Variants in GALNT18 observed in about 807,000 individuals in gnomAD.
The protein encoded by GALNT18 is GalNAc-transferase 18.
Under a neutral mutation model 69.5 loss-of-function variants are expected in GALNT18, and 44 were observed. The ratio of observed to expected loss-of-function variants is 0.63; its 90% CI spans 0.50 to 0.81. GALNT18 has a LOEUF of 0.81. Among genes scored for constraint, GALNT18 ranks in the 40% least tolerant of loss-of-function variants. The pLI is 0.00. For missense variants in GALNT18, 715 were observed against 810.0 expected (o/e 0.88, Z 1.42); for synonymous variants, 364 against 318.2 (o/e 1.14, Z -1.53).
rs543320752 is a variant in GALNT18, at chr11:11,411,859, G to A, written c.595+20762C>T. Among the ~76,000 whole-genome samples the A allele has an allele frequency of 5.9e-5, 9 of 152,274 alleles. No individual in the cohort carries two copies. The East Asian group carries it at 1.7e-3, about 29-fold the overall frequency. ...CACAGGGAGCCCTGGGGCATAAAGC[G>A]CATCTCAGAGTTGTCCCATCCGAGG... On this transcript the variant is annotated intron_variant, in intron 3 of 10. Transcript: ENST00000227756.
chr11:11,419,691 A>C (rs1037061134), intron 3 of GALNT18, among the ~76,000 whole-genome samples: 6 of 151,848 alleles, frequency 4.0e-5, no homozygotes, highest in Admixed American at 1.3e-4. Flanking sequence ...TCTTTGTGTC[A>C]ATATGATTAT....
Position 11,601,694 on chromosome 11 carries a change from T to A in GALNT18, c.235+19665A>T, listed in dbSNP as rs1859638276. 6.6e-6 allele frequency among the ~76,000 whole-genome samples: 1 copy of A among 152,356 alleles called. No individual in the cohort carries two copies. On this transcript the variant is annotated intron_variant, in intron 1 of 10. Coordinates refer to ENST00000227756, the MANE Select transcript of GALNT18 (RefSeq NM_198516.3). This position sits in a 1 kb window ranked among gnomAD's most constrained non-coding sequence, Gnocchi z 4.0. ...TTCTTTGACCATAGGAAATGTCTCTTTCTTTGATTATGTCTGTTAAACTAC... is the reference window on the plus strand; with the variant it reads ...TTCTTTGACCATAGGAAATGTCTCTATCTTTGATTATGTCTGTTAAACTAC...
intron 3 of GALNT18, among the ~76,000 whole-genome samples, chr11:11,380,833 A>G (rs1158310069): frequency 1.3e-5 from 2 of 152,150 alleles, no homozygotes; most frequent in Non-Finnish European, 2.9e-5. Flanking sequence ...TCATTACCCA[A>G]TGTCTTTCTT....
In GALNT18 at chr11:11,448,846, C is replaced by T. The variant is rs1855725272; in HGVS notation, c.326G>A (p.Gly109Asp). Residue 109 changes from glycine to aspartate, a missense_variant, in exon 2 of 11, where the codon GGC becomes GAC. Physicochemically the swap from Gly to Asp is moderately conservative, Grantham distance 94. Transcript: ENST00000227756. ...AHWGQELSPE[G>D]RRVALKQFQY... is the part of the protein sequence containing the mutation. ...GAATTGCTTCAGGGCCACGCGCCGG[C>T]CTTCGGGGCTGAGCTCCTGGCCCCA... 16 of 1,611,688 alleles carry T rather than the reference C, an allele frequency of 9.9e-6. No individual in the cohort carries two copies. Among genetic ancestry groups the T allele is most frequent in the Non-Finnish European group, 1.4e-5 (16 of 1,179,024 alleles).
At chr11:11,353,259 G>C in intron 6 of GALNT18, 1 of 1,031,918 alleles carries the variant, frequency 9.7e-7, no homozygotes, top group Non-Finnish European at 1.4e-6. Context: ...GGCTGTGGCC[G>C]CTCTCCCTTC....
intron 1 of GALNT18, among the ~76,000 whole-genome samples, chr11:11,561,830 C>G (rs11021932): frequency 0.37 from 56,603 of 152,044 alleles, 12,203 homozygotes; most frequent in African/African-American, 0.58. Flanking sequence ...AAAGCAAAGA[C>G]GAGAACCGGG....
At chr11:11,578,330 C>CAAAAAAAAAAAAAAAAAAAAAAAAAAA (rs57579910) in intron 1 of GALNT18, among the ~76,000 whole-genome samples, 1 of 120,604 alleles carries the variant, frequency 8.3e-6, no homozygotes, top group African/African-American at 3.5e-5. Flanking sequence ...TAAAAAGAAC[C>CAAAAAAAAAAAAAAAAAAAAAAAAAAA]AAAAAAAAAA....
intron 9 of GALNT18, among the ~76,000 whole-genome samples, chr11:11,321,814 A>G (rs745332679): frequency 7.2e-5 from 11 of 152,164 alleles, no homozygotes; most frequent in Non-Finnish European, 7.4e-5. Context: ...CATGTTGGCT[A>G]GGCTGGTCTC....
intron 1 of GALNT18, among the ~76,000 whole-genome samples, chr11:11,471,701 C>T (rs1023632837): frequency 6.6e-6 from 1 of 152,122 alleles, no homozygotes; most frequent in Admixed American, 6.5e-5. Context: ...GAAACTGAGG[C>T]TCAGATAAAT....
chr11:11,308,191 C>T (rs1038700079), intron 9 of GALNT18, among the ~76,000 whole-genome samples: 6 of 152,228 alleles, frequency 3.9e-5, no homozygotes, highest in African/African-American at 1.4e-4. Flanking sequence ...CTACTCACCA[C>T]TTCCTGGCGT....
At chr11:11,491,455 C>G (rs907943543) in intron 1 of GALNT18, among the ~76,000 whole-genome samples, 3 of 152,172 alleles carry the variant, frequency 2.0e-5, no homozygotes, top group African/African-American at 7.2e-5. Flanking sequence ...AGGGCATAAC[C>G]AATTAAAGCC....
intron 9 of GALNT18, among the ~76,000 whole-genome samples, chr11:11,305,011 C>T (rs12797711): frequency 0.13 from 19,402 of 152,150 alleles, 1,646 homozygotes; most frequent in Admixed American, 0.21. Flanking sequence ...ATAAAGAAAC[C>T]GACACTAGAG....
At chr11:11,509,951 G>A (rs1857136101) in intron 1 of GALNT18, among the ~76,000 whole-genome samples, 1 of 152,216 alleles carries the variant, frequency 6.6e-6, no homozygotes, top group South Asian at 2.1e-4. Flanking sequence ...CAGCATCGGT[G>A]GTCACATCCT....
At position 11,394,847 on chromosome 11, in the gene GALNT18, C is replaced by T. The variant is rs141103048; in HGVS notation, c.596-15583G>A. 3.4e-3 allele frequency among the ~76,000 whole-genome samples: 516 copies of T among 152,338 alleles called. 1 individual carries two copies. Among genetic ancestry groups the T allele is most frequent in the Non-Finnish European group, 5.7e-3 (385 of 68,030 alleles). On this transcript the variant is annotated intron_variant, in intron 3 of 10. Coordinates refer to ENST00000227756, the MANE Select transcript of GALNT18 (RefSeq NM_198516.3). ...TTCCCTGGCACCGTAATGGGTTCCT[C>T]ACTTCCCCTGAACATTCTGAGTTAG...
chr11:11,403,011 C>G (rs956377968), intron 3 of GALNT18, among the ~76,000 whole-genome samples: 1 of 152,198 alleles, frequency 6.6e-6, no homozygotes, highest in Non-Finnish European at 1.5e-5. Flanking sequence ...AAGAATCATG[C>G]TCTCCCCAGG....
intron 1 of GALNT18, among the ~76,000 whole-genome samples, chr11:11,462,222 T>C (rs2133840380): frequency 6.6e-6 from 1 of 152,126 alleles, no homozygotes; most frequent in South Asian, 2.1e-4. Context: ...AGGAGGAACT[T>C]CCTAGTCTTG....
At chr11:11,612,891 A>G (rs549988485) in intron 1 of GALNT18, among the ~76,000 whole-genome samples, 38 of 152,256 alleles carry the variant, frequency 2.5e-4, no homozygotes, top group African/African-American at 8.9e-4. Context: ...TGAGCTCTTA[A>G]AGGATGGTGG....
In GALNT18 at chr11:11,339,276, C is replaced by T. The variant is rs1322809860; in HGVS notation, c.1278+1543G>A. On this transcript the variant is annotated intron_variant, in intron 7 of 10. Transcript: ENST00000227756. This position sits in a 1 kb window ranked among gnomAD's most constrained non-coding sequence, Gnocchi z 5.2. ...GATTTGAACTACCACCTTGAGGAGT[C>T]GCAGACAGACACTGAATTTCATCAT... 1.3e-5 allele frequency among the ~76,000 whole-genome samples: 2 copies of T among 152,146 alleles called. No individual in the cohort carries two copies. The highest frequency in any genetic ancestry group is 2.9e-5 in the Non-Finnish European group (2 of 68,030).
At chr11:11,407,634 C>T (rs193204558) in intron 3 of GALNT18, among the ~76,000 whole-genome samples, 1 of 152,306 alleles carries the variant, frequency 6.6e-6, no homozygotes, top group African/African-American at 2.4e-5. Flanking sequence ...GGAGATATTC[C>T]CAGTAACCGT....
Sources: gnomAD v4.1 joint callset for allele counts (sites outside exome capture counted in the v4.1 genomes callset) on GRCh38, gnomAD v4.1.1 for gene constraint, Gnocchi (gnomAD v3.1) non-coding constraint, MANE v1.5 for transcripts, NCBI Gene and HGNC (gene_info 2026-07-23, HGNC 2026-07-21) for gene names.